FBXL4: variants seen among roughly 807,000 people sequenced by gnomAD.
FBXL4 encodes the protein F-box and leucine rich repeat protein 4.
FBXL4 carries 40 observed loss-of-function variants against 58.9 expected under a neutral mutation model. The ratio of observed to expected loss-of-function variants is 0.68; its 90% CI spans 0.53 to 0.88. The LOEUF (loss-of-function observed/expected upper bound fraction) is 0.88. Among genes scored for constraint, FBXL4 ranks in the 40% least tolerant of loss-of-function variants. The pLI, the probability that FBXL4 is intolerant of heterozygous loss-of-function variation, is 0.00. For synonymous variants in FBXL4, 263 were observed against 265.5 expected (o/e 0.99, Z 0.09); for missense variants, 676 against 734.4 (o/e 0.92, Z 0.92).
At position 98,899,343 on chromosome 6, in the gene FBXL4, T is replaced by C. The variant is rs1297975400; in HGVS notation, c.1242A>G (p.Leu414=). The C allele has an allele frequency of 1.2e-6, 2 of 1,613,998 alleles. No individual in the cohort carries two copies. The highest frequency in any genetic ancestry group is 1.7e-5 in the Admixed American group (1 of 59,986). The change falls in exon 7 of 10, where the codon CTA becomes CTG. Residue 414 remains leucine (L), a synonymous_variant. Coordinates refer to ENST00000369244, the MANE Select transcript of FBXL4 (RefSeq NM_001278716.2). ...CAATGTGGTTGAAAGCTTGAGGTGG[T>C]AGCTTATCACAGGAGGAGAGATTTA... ...QALNLSSCDK[L]PPQAFNHIAK... is the part of the protein sequence containing the mutation.
chr6:98,889,813 C>A (rs532463870), intron 7 of FBXL4, among the ~76,000 whole-genome samples: 1 of 151,776 alleles, frequency 6.6e-6, no homozygotes, highest in African/African-American at 2.4e-5. Flanking sequence ...ATTATTAATG[C>A]CTTTACTTGT....
intron 7 of FBXL4, among the ~76,000 whole-genome samples, chr6:98,898,011 C>A (rs1159946242): frequency 6.6e-6 from 1 of 151,824 alleles, no homozygotes; most frequent in Non-Finnish European, 1.5e-5. Flanking sequence ...TGTGAGAAGA[C>A]AGAAAATAAG....
chr6:98,874,190 T>C lies in FBXL4; in HGVS notation c.*88A>G, dbSNP rs911827902. The C allele has an allele frequency of 6.8e-6, 7 of 1,027,140 alleles. No homozygotes were observed. In the African/African-American group the frequency reaches 9.9e-5, roughly 15 times the overall value. The allele number at this position is 1,027,140 out of a possible 1,614,324, so 63.6% of individuals were successfully genotyped here. A position where few individuals can be genotyped will look rare whatever the true frequency, so the allele number is the denominator to read the frequency against. On this transcript the variant is annotated 3_prime_UTR_variant, in exon 10 of 10. Coordinates refer to ENST00000369244, the MANE Select transcript of FBXL4 (RefSeq NM_001278716.2). ...TCTACAAATGTCTTAATTCTTACCA[T>C]TAAAACAACTAAAAACAAAACCCAA...
chr6:98,913,228 G>T (rs1772173799), intron 5 of FBXL4, among the ~76,000 whole-genome samples: 1 of 152,072 alleles, frequency 6.6e-6, no homozygotes, highest in Admixed American at 6.5e-5. Context: ...ATAATAATGG[G>T]AGACTTTAAC....
At chr6:98,920,826 A>G (rs984754465) in intron 4 of FBXL4, among the ~76,000 whole-genome samples, 1 of 113,130 alleles carries the variant, frequency 8.8e-6, no homozygotes, top group African/African-American at 3.6e-5. Flanking sequence ...ACATACACAC[A>G]CACACACACA....
chr6:98,933,051 A>T (rs1308747858), intron 2 of FBXL4, among the ~76,000 whole-genome samples: 1 of 152,244 alleles, frequency 6.6e-6, no homozygotes, highest in African/African-American at 2.4e-5. Flanking sequence ...AAACTGATCA[A>T]GACATACTAT....
At chr6:98,912,554 A>G (rs540296502) in intron 5 of FBXL4, among the ~76,000 whole-genome samples, 19 of 152,262 alleles carry the variant, frequency 1.2e-4, no homozygotes, top group African/African-American at 3.9e-4. Context: ...TTTCAACCCA[A>G]AATTTTATAT....
rs546324446 is a variant in FBXL4 at position 98,875,818 on chromosome 6, C to T, written c.1390-91G>A. On this transcript the variant is annotated intron_variant, in intron 8 of 9. Transcript: ENST00000369244. ...TCAGATTCTTAATTATAACCTATTGCTTTGCTTCCATGTAAACAAATCCAC... is the reference window on the plus strand; with the variant it reads ...TCAGATTCTTAATTATAACCTATTGTTTTGCTTCCATGTAAACAAATCCAC... 55 of 1,277,194 alleles carry T rather than the reference C, an allele frequency of 4.3e-5. No individual in the cohort carries two copies. In the Admixed American group the frequency reaches 1.1e-3, roughly 25 times the overall value. 79.1% of individuals were successfully genotyped at this position (1,277,194 alleles called of 1,614,324 possible).
chr6:98,909,536 T>G (rs1479251721), intron 5 of FBXL4, among the ~76,000 whole-genome samples: 2 of 152,248 alleles, frequency 1.3e-5, no homozygotes, highest in Admixed American at 1.3e-4. Flanking sequence ...GGTCAAGCAT[T>G]TTATCAGGTC....
intron 1 of FBXL4, among the ~76,000 whole-genome samples, chr6:98,935,090 CAAG>C (rs906145022): frequency 2.0e-5 from 3 of 152,148 alleles, no homozygotes; most frequent in Non-Finnish European, 2.9e-5. Flanking sequence ...TATCAGAAAA[CAAG>C]AGATAAGATT....
At chr6:98,898,476 G>A (rs1328522847) in intron 7 of FBXL4, 53 of 959,978 alleles carry the variant, frequency 5.5e-5, no homozygotes, top group Middle Eastern at 5.3e-4. Flanking sequence ...ATGGTGGCAC[G>A]TGCCTGTAAT....
intron 5 of FBXL4, among the ~76,000 whole-genome samples, chr6:98,908,883 T>G (rs1771921131): frequency 6.6e-6 from 1 of 152,154 alleles, no homozygotes; most frequent in South Asian, 2.1e-4. Context: ...AATAACTAAG[T>G]TTTTTAAAGC....
At chr6:98,916,129 AC>A (rs1772336039) in intron 5 of FBXL4, among the ~76,000 whole-genome samples, 1 of 151,888 alleles carries the variant, frequency 6.6e-6, no homozygotes, top group East Asian at 1.9e-4. Context: ...ACCATCTCAC[AC>A]CAGTTAGAAT....
chr6:98,876,537 C>A (rs1057112322), intron 8 of FBXL4, among the ~76,000 whole-genome samples: 20 of 152,044 alleles, frequency 1.3e-4, no homozygotes, highest in African/African-American at 4.8e-4. Context: ...GTATTTTCAA[C>A]AAACATCTAC....
Position 98,926,634 on chromosome 6 carries a change from G to GACT in FBXL4, c.354_355insAGT (p.Pro118_Pro119insSer). On this transcript the variant is annotated inframe_insertion, in exon 4 of 10. Coordinates refer to ENST00000369244, the MANE Select transcript of FBXL4 (RefSeq NM_001278716.2). ...ACATAGTCCTGGCTCTGAAAATTAG[G>GACT]TGGCGTCCTCTTGAATGGCAAGGAA... 4 of 1,614,114 alleles carry GACT rather than the reference G, an allele frequency of 2.5e-6. No individual in the cohort carries two copies. The highest frequency in any genetic ancestry group is 2.5e-6 in the Non-Finnish European group (3 of 1,180,022).
At chr6:98,893,409 T>TTGTCTTCACA (rs55885480) in intron 7 of FBXL4, among the ~76,000 whole-genome samples, 35,046 of 151,894 alleles carry the variant, frequency 0.23, 5,294 homozygotes, top group Non-Finnish European at 0.34. Context: ...TCTTCTTCCA[T>TTGTCTTCACA]TGTCTTCACA....
intron 1 of FBXL4, among the ~76,000 whole-genome samples, chr6:98,943,816 C>T (rs1202839716): frequency 6.6e-6 from 1 of 151,834 alleles, no homozygotes; most frequent in African/African-American, 2.4e-5. Context: ...ATGTAGACTC[C>T]CAGCCAAAAA....
intron 5 of FBXL4, among the ~76,000 whole-genome samples, chr6:98,915,853 C>T (rs928950993): frequency 9.3e-5 from 14 of 150,546 alleles, no homozygotes; most frequent in Middle Eastern, 3.4e-3. Context: ...TTCTGCACAG[C>T]AAAAGAAACT....
chr6:98,931,922 G>T (rs916345155), intron 2 of FBXL4, among the ~76,000 whole-genome samples: 5 of 152,178 alleles, frequency 3.3e-5, no homozygotes, highest in Admixed American at 1.3e-4. Flanking sequence ...TTTTGCCAAG[G>T]CATGGAGGCA....
Sources: allele counts gnomAD v4.1 joint callset (sites outside exome capture counted in the v4.1 genomes callset), GRCh38; gene constraint gnomAD v4.1.1; transcripts MANE v1.5; gene names NCBI Gene and HGNC (gene_info 2026-07-23, HGNC 2026-07-21).